Variants in TRAK1 observed in about 807,000 individuals in gnomAD.
TRAK1 encodes trafficking kinesin protein 1.
In TRAK1, 33 loss-of-function variants were observed where a neutral mutation model predicts 92.1. That is an observed-to-expected ratio of 0.36 (90% CI 0.27 to 0.48). TRAK1 has a LOEUF of 0.48. Ranked by LOEUF, TRAK1 falls within the 20% of genes least tolerant of loss-of-function variation. The probability of loss-of-function intolerance (pLI) is 0.99; values close to 1 mark genes in which losing one functional copy is unlikely to be tolerated. For synonymous variants in TRAK1, 521 were observed against 517.3 expected (o/e 1.01, Z -0.10); for missense variants, 1,123 against 1,257.9 (o/e 0.89, Z 1.62).
chr3:42,174,505 A>G (rs954614989), intron 2 of TRAK1, among the ~76,000 whole-genome samples: 4 of 151,646 alleles, frequency 2.6e-5, no homozygotes, highest in African/African-American at 9.7e-5. Context: ...TTATTTCTTC[A>G]AGATGGAGTC....
chr3:42,134,475 A>G (rs2149186067), intron 2 of TRAK1, among the ~76,000 whole-genome samples: 1 of 150,018 alleles, frequency 6.7e-6, no homozygotes, highest in Non-Finnish European at 1.5e-5. Context: ...ACAAGGTTTC[A>G]CCATGTTGCC....
At chr3:42,219,071 T>C (rs905232689) in intron 14 of TRAK1, 19 of 985,332 alleles carry the variant, frequency 1.9e-5, no homozygotes, top group African/African-American at 7.0e-5. Context: ...ACTTCTCCCC[T>C]TCCTCTGAGC....
At chr3:42,051,708 C>T (rs1702990407) in intron 1 of TRAK1, 1 of 152,230 alleles carries the variant, frequency 6.6e-6, no homozygotes, top group Admixed American at 6.5e-5. Flanking sequence ...TTCAAAGGCT[C>T]AGAGGAGATG....
intron 4 of TRAK1, among the ~76,000 whole-genome samples, chr3:42,187,026 A>G (rs532080220): frequency 1.3e-5 from 2 of 152,236 alleles, no homozygotes; most frequent in Non-Finnish European, 2.9e-5. Flanking sequence ...GAAAGGGCAG[A>G]TGAAAACTTT....
At chr3:42,209,423 T>C (rs1344856356) in intron 13 of TRAK1, among the ~76,000 whole-genome samples, 1 of 152,062 alleles carries the variant, frequency 6.6e-6, no homozygotes, top group Non-Finnish European at 1.5e-5. Context: ...TTTTGTAAAA[T>C]GAGAAGATGT....
intron 2 of TRAK1, among the ~76,000 whole-genome samples, chr3:42,143,529 GAGTA>G (rs1237375097): frequency 1.3e-5 from 2 of 152,162 alleles, no homozygotes; most frequent in African/African-American, 2.4e-5. Context: ...GGGGTCTGAG[GAGTA>G]AGTGAGATAT....
intron 1 of TRAK1, among the ~76,000 whole-genome samples, chr3:42,102,957 C>A (rs977287178): frequency 3.9e-5 from 6 of 152,120 alleles, no homozygotes; most frequent in African/African-American, 1.4e-4. Context: ...CTTGTAACAG[C>A]TTCATTGAGA....
intron 1 of TRAK1, among the ~76,000 whole-genome samples, chr3:42,030,439 G>A (rs988690371): frequency 1.0e-4 from 15 of 150,118 alleles, no homozygotes; most frequent in African/African-American, 3.4e-4. Context: ...TTGGGAGGCC[G>A]AGGTGGGTGG....
At chr3:42,207,961 C>T (rs891705918) in intron 13 of TRAK1, among the ~76,000 whole-genome samples, 1 of 152,134 alleles carries the variant, frequency 6.6e-6, no homozygotes, top group African/African-American at 2.4e-5. Flanking sequence ...GCTTTTACCC[C>T]CTAGATGCCA....
intron 1 of TRAK1, among the ~76,000 whole-genome samples, chr3:42,014,420 C>G (rs1276834245): frequency 6.6e-6 from 1 of 152,210 alleles, no homozygotes; most frequent in Non-Finnish European, 1.5e-5. Flanking sequence ...GGGCAGCACC[C>G]CGATTCCCAC....
chr3:42,094,155 A>G (rs946550650), intron 1 of TRAK1, among the ~76,000 whole-genome samples: 16 of 152,184 alleles, frequency 1.1e-4, no homozygotes, highest in Admixed American at 2.0e-4. Context: ...CTGCTCAGCC[A>G]AGGTCTGTTG....
chr3:42,113,344 T>G (rs1039133285), intron 1 of TRAK1, among the ~76,000 whole-genome samples: 23 of 150,498 alleles, frequency 1.5e-4, no homozygotes, highest in African/African-American at 5.1e-4. Flanking sequence ...TCTACTCTAC[T>G]CCTACTCCTA....
intron 15 of TRAK1, among the ~76,000 whole-genome samples, chr3:42,221,430 A>G (rs1710337068): frequency 6.6e-6 from 1 of 152,098 alleles, no homozygotes; most frequent in South Asian, 2.1e-4. Flanking sequence ...GGTCACCTGA[A>G]TGTGGGGCCA....
chr3:42,153,357 A>G (rs1407984984), intron 2 of TRAK1, among the ~76,000 whole-genome samples: 1 of 152,120 alleles, frequency 6.6e-6, no homozygotes, highest in Non-Finnish European at 1.5e-5. Context: ...TAATTATGCC[A>G]CTGTACTCCA....
intron 1 of TRAK1, among the ~76,000 whole-genome samples, chr3:42,120,646 C>G (rs1204767840): frequency 6.6e-6 from 1 of 152,174 alleles, no homozygotes; most frequent in Non-Finnish European, 1.5e-5. Context: ...CTCCCAGGTT[C>G]AAGTGATTCT....
At chr3:42,090,555 G>A (rs1462477698), upstream of TRAK1, among the ~76,000 whole-genome samples, 2 of 152,134 alleles carry the variant, frequency 1.3e-5, no homozygotes, top group Non-Finnish European at 2.9e-5. Flanking sequence ...GCATGGTGAC[G>A]GACGCCTGTA....
intron 4 of TRAK1, among the ~76,000 whole-genome samples, chr3:42,185,517 C>T (rs950864407): frequency 1.5e-4 from 23 of 152,122 alleles, no homozygotes; most frequent in Non-Finnish European, 2.4e-4. Context: ...CAGAGGAGAG[C>T]GGCTGTGGAG....
chr3:42,074,680 T>G (rs1482739065), intron 1 of TRAK1, among the ~76,000 whole-genome samples: 3 of 152,102 alleles, frequency 2.0e-5, no homozygotes, highest in Admixed American at 2.0e-4. Flanking sequence ...AGACTAGTTT[T>G]TTTTTTTTTT....
intron 1 of TRAK1, among the ~76,000 whole-genome samples, chr3:42,066,693 A>G (rs1186282128): frequency 2.6e-5 from 4 of 152,130 alleles, no homozygotes; most frequent in African/African-American, 7.2e-5. Flanking sequence ...ACTTTTATGC[A>G]TTGGCTTATC....
Sources: gnomAD v4.1 joint callset for allele counts (sites outside exome capture counted in the v4.1 genomes callset) on GRCh38, gnomAD v4.1.1 for gene constraint, MANE v1.5 for transcripts, NCBI Gene and HGNC (gene_info 2026-07-23, HGNC 2026-07-21) for gene names.